The following ATE1 variants were observed in gnomAD, a reference collection of about 807,000 sequenced individuals.
ATE1 encodes the protein arginyl-tRNA--protein transferase 1.
ATE1 carries 36 observed loss-of-function variants against 70.5 expected under a neutral mutation model. The observed-to-expected ratio is 0.51, with a 90% CI of 0.39 to 0.67. The LOEUF (loss-of-function observed/expected upper bound fraction) is 0.67, where lower values mean the gene tolerates loss of function less well. ATE1 is among the 30% of genes least tolerant of loss of function. ATE1 has a pLI of 0.00. For synonymous variants in ATE1, 232 were observed against 219.3 expected (o/e 1.06, Z -0.51); for missense variants, 593 against 629.5 (o/e 0.94, Z 0.62).
At chr10:121,924,010 T>C (rs2134630354) in intron 2 of ATE1, among the ~76,000 whole-genome samples, 1 of 152,320 alleles carries the variant, frequency 6.6e-6, no homozygotes, top group South Asian at 2.1e-4. Context: ...TCAAACATGA[T>C]TGGCAGAACG....
intron 7 of ATE1, among the ~76,000 whole-genome samples, chr10:121,892,274 CCTT>C (rs1189058017): frequency 6.6e-6 from 1 of 152,008 alleles, no homozygotes; most frequent in African/African-American, 2.4e-5. Flanking sequence ...GTGACCATCT[CCTT>C]AATAGAACTA....
At chr10:121,927,552 C>A in intron 1 of ATE1, 1 of 984,354 alleles carries the variant, frequency 1.0e-6, no homozygotes, top group Non-Finnish European at 1.2e-6. Flanking sequence ...CCTGGCACTG[C>A]GCGCCGTCCT....
chr10:121,824,573 T>C (rs960205063), intron 10 of ATE1, among the ~76,000 whole-genome samples: 4 of 152,216 alleles, frequency 2.6e-5, no homozygotes, highest in Admixed American at 2.0e-4. Flanking sequence ...TAAGCATAAT[T>C]AATCACAGAC....
intron 11 of ATE1, among the ~76,000 whole-genome samples, chr10:121,745,935 G>A (rs1944352506): frequency 6.6e-6 from 1 of 152,148 alleles, no homozygotes; most frequent in African/African-American, 2.4e-5. Flanking sequence ...AAGATAGACT[G>A]TTAAGTGAAA....
intron 11 of ATE1, among the ~76,000 whole-genome samples, chr10:121,768,904 G>A (rs1429953104): frequency 1.3e-5 from 2 of 151,912 alleles, no homozygotes; most frequent in Non-Finnish European, 2.9e-5. Context: ...AAAAATCAAA[G>A]CTCTAAATAA....
At chr10:121,832,610 C>G (rs1296373386) in intron 10 of ATE1, among the ~76,000 whole-genome samples, 10 of 152,198 alleles carry the variant, frequency 6.6e-5, no homozygotes, top group African/African-American at 2.4e-4. Flanking sequence ...GCTTTTGCAT[C>G]TTCCTCATTT....
chr10:121,868,105 A>C (rs1336333425), intron 8 of ATE1, among the ~76,000 whole-genome samples: 1 of 152,188 alleles, frequency 6.6e-6, no homozygotes, highest in East Asian at 1.9e-4. Context: ...CTTGTCAAGC[A>C]TTCACTTAAA....
chr10:121,915,145 G>T (rs112106009), intron 3 of ATE1, among the ~76,000 whole-genome samples: 5 of 152,138 alleles, frequency 3.3e-5, no homozygotes, highest in African/African-American at 1.2e-4. Flanking sequence ...AGAAAGAAGA[G>T]AACCTTTTAA....
At chr10:121,911,893 C>A (rs145452804) in intron 4 of ATE1, among the ~76,000 whole-genome samples, 1 of 152,006 alleles carries the variant, frequency 6.6e-6, no homozygotes, top group Non-Finnish European at 1.5e-5. Flanking sequence ...ACCACAGGCG[C>A]CCACCACCAT....
At chr10:121,789,848 G>A (rs1261244316) in intron 11 of ATE1, among the ~76,000 whole-genome samples, 1 of 152,074 alleles carries the variant, frequency 6.6e-6, no homozygotes. Context: ...CCATCTAGCA[G>A]ACAATTTTTA....
intron 11 of ATE1, among the ~76,000 whole-genome samples, chr10:121,745,195 A>G (rs756949477): frequency 6.6e-6 from 1 of 152,226 alleles, no homozygotes; most frequent in Non-Finnish European, 1.5e-5. Flanking sequence ...AAGAATATAG[A>G]GAATAATGTT....
chr10:121,783,655 A>G (rs1055601503), intron 11 of ATE1, among the ~76,000 whole-genome samples: 2 of 152,028 alleles, frequency 1.3e-5, no homozygotes, highest in African/African-American at 2.4e-5. Context: ...TTATTTTTTA[A>G]TTGGCATTTT....
intron 8 of ATE1, among the ~76,000 whole-genome samples, chr10:121,841,832 C>T (rs1390987576): frequency 2.0e-5 from 3 of 152,126 alleles, no homozygotes; most frequent in Non-Finnish European, 4.4e-5. Context: ...GCTTGGGTGA[C>T]GGCTGCACCA....
intron 10 of ATE1, among the ~76,000 whole-genome samples, chr10:121,828,216 ACTCAG>A (rs930867433): frequency 3.3e-5 from 5 of 152,196 alleles, no homozygotes; most frequent in East Asian, 3.8e-4. Flanking sequence ...TCTCAAATCC[ACTCAG>A]TTCAATTCAA....
intron 8 of ATE1, among the ~76,000 whole-genome samples, chr10:121,869,348 G>A (rs1481596907): frequency 6.6e-6 from 1 of 152,136 alleles, no homozygotes; most frequent in Non-Finnish European, 1.5e-5. Context: ...CCTTTTCCAA[G>A]TCTTGATGAT....
rs750104925 is a variant in ATE1, at chr10:121,841,181, A to G, written c.1058T>C (p.Val353Ala). The G allele has an allele frequency of 4.4e-5, 71 of 1,603,192 alleles. No individual in the cohort carries two copies. Among genetic ancestry groups the G allele is most frequent in the Non-Finnish European group, 5.5e-5 (65 of 1,173,082 alleles). ...QYWLDGKIIA[V>A]GVIDILPNCV... ...GTTTGGGAGGATGTCAATCACCCCC[A>G]CAGCAATGATCTTTCCGTCAAGCCA... Residue 353 changes from valine to alanine, a missense_variant, in exon 9 of 12, where the codon GTG (valine) becomes GCG (alanine). Val to Ala is a moderately conservative substitution (Grantham distance 64, BLOSUM62 0). Coordinates refer to ENST00000224652, the MANE Select transcript of ATE1 (RefSeq NM_001001976.3).
chr10:121,811,062 T>A (rs868836724), intron 10 of ATE1, among the ~76,000 whole-genome samples: 57 of 152,188 alleles, frequency 3.7e-4, no homozygotes, highest in African/African-American at 1.3e-3. Context: ...ATGGGTCGAA[T>A]GACAAAACTG....
intron 10 of ATE1, among the ~76,000 whole-genome samples, chr10:121,816,195 C>T (rs1269700152): frequency 6.6e-6 from 1 of 151,854 alleles, no homozygotes; most frequent in African/African-American, 2.4e-5. Flanking sequence ...TATCATACTC[C>T]CTAGAAAAAT....
At chr10:121,847,676 T>G (rs12776733) in intron 8 of ATE1, among the ~76,000 whole-genome samples, 1 of 142,684 alleles carries the variant, frequency 7.0e-6, no homozygotes, top group Admixed American at 7.2e-5. Context: ...GACAGTTGCT[T>G]GAACCAGGGA....
Sources: allele counts gnomAD v4.1 joint callset (sites outside exome capture counted in the v4.1 genomes callset), GRCh38; gene constraint gnomAD v4.1.1; transcripts MANE v1.5; gene names NCBI Gene and HGNC (gene_info 2026-07-23, HGNC 2026-07-21).